The following HEATR5A variants were observed in gnomAD, a reference collection of about 807,000 sequenced individuals.
The protein encoded by HEATR5A is HEAT repeat-containing protein 5A.
In HEATR5A, 178 loss-of-function variants were observed where a neutral mutation model predicts 218.8. The ratio of observed to expected loss-of-function variants is 0.81; its 90% CI spans 0.72 to 0.92. The LOEUF (loss-of-function observed/expected upper bound fraction) is 0.92, where lower values mean the gene tolerates loss of function less well. HEATR5A is among the 40% of genes least tolerant of loss of function. HEATR5A has a pLI of 0.00. For synonymous variants in HEATR5A, 864 were observed against 871.6 expected (o/e 0.99, Z 0.15); for missense variants, 2,420 against 2,418.9 (o/e 1.00, Z -0.01).
intron 13 of HEATR5A, among the ~76,000 whole-genome samples, chr14:31,371,323 T>C (rs1373624050): frequency 1.3e-5 from 2 of 152,350 alleles, no homozygotes; most frequent in African/African-American, 2.4e-5. Context: ...ATTTTCTGTA[T>C]ATATAAAGTG....
intron 22 of HEATR5A, among the ~76,000 whole-genome samples, chr14:31,336,250 A>ATATATATATATG (rs1215493299): frequency 2.7e-4 from 24 of 89,760 alleles, no homozygotes; most frequent in Non-Finnish European, 3.3e-4. Flanking sequence ...ATATATATAT[A>ATATATATATATG]TATATATATA....
intron 16 of HEATR5A, 21 bp from the exon 17 acceptor site, chr14:31,350,738 A>T (rs970458871): frequency 1.5e-6 from 2 of 1,298,164 alleles, no homozygotes; most frequent in Non-Finnish European, 2.2e-6. Context: ...AAATAACAGG[A>T]TTTAAAAGCA....
chr14:31,350,767 TG>T, intron 16 of HEATR5A, 50 bp from the exon 17 acceptor site: 1 of 699,186 alleles, frequency 1.4e-6, no homozygotes, highest in Non-Finnish European at 2.4e-6. Context: ...AGTTTTTGTT[TG>T]TTTGTTTGTT....
chr14:31,331,157 C>G (rs942370296), intron 22 of HEATR5A, among the ~76,000 whole-genome samples: 1 of 152,022 alleles, frequency 6.6e-6, no homozygotes, highest in Non-Finnish European at 1.5e-5. Context: ...CCAGGCTGGT[C>G]TCAAACTCCT....
intron 23 of HEATR5A, among the ~76,000 whole-genome samples, 163 bp from the exon 24 acceptor site, chr14:31,323,967 T>C (rs545300589): frequency 6.6e-6 from 1 of 152,224 alleles, no homozygotes; most frequent in Admixed American, 6.5e-5. Flanking sequence ...TTAGGTCTAA[T>C]AACTACATAC....
At chr14:31,362,104 A>C (rs1197472342) in intron 14 of HEATR5A, among the ~76,000 whole-genome samples, 1 of 152,132 alleles carries the variant, frequency 6.6e-6, no homozygotes, top group African/African-American at 2.4e-5. Flanking sequence ...AGCTGGGACT[A>C]CAGGCATGTG....
chr14:31,293,874 T>G lies in HEATR5A; in HGVS notation c.5833+17A>C. 1 of 1,568,336 alleles carries G rather than the reference T, an allele frequency of 6.4e-7. No homozygotes were observed. The highest frequency in any genetic ancestry group is 8.7e-7 in the Non-Finnish European group (1 of 1,150,752). On this transcript the variant is annotated intron_variant, in intron 35 of 35. Coordinates refer to ENST00000543095, the MANE Select transcript of HEATR5A (RefSeq NM_015473.4). ...ATTTTTGTTGAGACTGAGTATGAAT[T>G]TAGTGCTGACACTTACGATGGTGTT... is the stretch of plus-strand genomic sequence containing the variant.
At chr14:31,342,761 AT>A (rs1900881004) in intron 21 of HEATR5A, among the ~76,000 whole-genome samples, 1 of 152,318 alleles carries the variant, frequency 6.6e-6, no homozygotes, top group Admixed American at 6.5e-5. Flanking sequence ...GTGTTACTTT[AT>A]TTAACTTTTC....
rs1201824776 is a variant in HEATR5A at position 31,400,493 on chromosome 14, T to C, written c.146A>G (p.Gln49Arg). ...CAGGAGCTGTTCAACAAGAGTCTTCTGTTTCTCCCTTACATCATTCTAGAA... is the reference window on the plus strand; with the variant it reads ...CAGGAGCTGTTCAACAAGAGTCTTCCGTTTCTCCCTTACATCATTCTAGAA... ...ATSRNDVREKQKTLVEQLLSL... is the reference protein window; with the variant it reads ...ATSRNDVREKRKTLVEQLLSL... Residue 49 changes from glutamine to arginine, a missense_variant, in exon 3 of 36, where the codon CAG (glutamine) becomes CGG (arginine). Gln to Arg is a conservative substitution (Grantham distance 43). Transcript: ENST00000543095. The C allele has an allele frequency of 2.6e-6, 4 of 1,534,808 alleles. No homozygotes were observed. The highest frequency in any genetic ancestry group is 3.5e-6 in the Non-Finnish European group (4 of 1,146,040).
At chr14:31,351,299 C>T (rs531847346) in intron 16 of HEATR5A, among the ~76,000 whole-genome samples, 17 of 152,110 alleles carry the variant, frequency 1.1e-4, no homozygotes, top group African/African-American at 4.1e-4. Flanking sequence ...TACGACCAGC[C>T]TGGGCAACAC....
intron 22 of HEATR5A, among the ~76,000 whole-genome samples, chr14:31,335,173 C>T (rs1595109200): frequency 1.3e-5 from 2 of 152,042 alleles, no homozygotes; most frequent in African/African-American, 4.8e-5. Context: ...CTATTTCACA[C>T]TTAGCAGACT....
chr14:31,380,199 A>G (rs939167775), intron 11 of HEATR5A, among the ~76,000 whole-genome samples: 1 of 152,202 alleles, frequency 6.6e-6, no homozygotes, highest in Non-Finnish European at 1.5e-5. Context: ...TTCAGAGTTA[A>G]GCCTGAAAGA....
intron 23 of HEATR5A, among the ~76,000 whole-genome samples, chr14:31,325,323 A>C (rs749075685): frequency 6.6e-6 from 1 of 152,172 alleles, no homozygotes; most frequent in Non-Finnish European, 1.5e-5. Context: ...TGTATTACTA[A>C]AGACATTAGG....
intron 14 of HEATR5A, among the ~76,000 whole-genome samples, chr14:31,363,346 T>C (rs1342950389): frequency 6.6e-6 from 1 of 152,170 alleles, no homozygotes; most frequent in Non-Finnish European, 1.5e-5. Flanking sequence ...ATCTGAGCTG[T>C]GGAATACAGA....
In HEATR5A at chr14:31,387,360, C is replaced by T. The variant is rs753301266; in HGVS notation, c.949G>A (p.Val317Ile). 2.9e-5 allele frequency: 47 copies of T among 1,612,678 alleles called. No homozygotes were observed. Among genetic ancestry groups the T allele is most frequent in the Non-Finnish European group, 3.7e-5 (44 of 1,178,970 alleles). ...AGCCAAGCTCCTCCTAGTGTTGAAACAAATACCACATAAGCCTAAAAAGGA... is the reference window on the plus strand; with the variant it reads ...AGCCAAGCTCCTCCTAGTGTTGAAATAAATACCACATAAGCCTAAAAAGGA... The part of the protein sequence containing the change: ...VGVTQAYVVF[V>I]STLGGAWLEK... The change falls in exon 8 of 36, where the codon GTT becomes ATT. Residue 317 changes from valine to isoleucine, a missense_variant. Transcript: ENST00000543095.
intron 13 of HEATR5A, among the ~76,000 whole-genome samples, chr14:31,368,695 CTATTTATTTATTTATT>C (rs71708210): frequency 0.024 from 3,193 of 130,646 alleles, 92 homozygotes; most frequent in African/African-American, 0.076. Flanking sequence ...ACATCTGACT[CTATTTATTTATTTATT>C]TATTTATTTA....
In HEATR5A at chr14:31,293,002, T is replaced by A. The variant is rs1196361902; in HGVS notation, c.*303A>T. 2.6e-5 allele frequency: 7 copies of A among 272,118 alleles called. No individual in the cohort carries two copies. The highest frequency in any genetic ancestry group is 8.9e-5 in the African/African-American group (4 of 44,930). 16.9% of individuals were successfully genotyped at this position (272,118 alleles called of 1,614,324 possible). A position where few individuals can be genotyped will look rare whatever the true frequency, so the allele number is the denominator to read the frequency against. ...CATATGTATGGACTGTTAGAAGAAA[T>A]TCATTTCATTTTTAAAGCAGTGGAT... is the stretch of plus-strand genomic sequence containing the variant. On this transcript the variant is annotated 3_prime_UTR_variant, in exon 36 of 36. Coordinates refer to ENST00000543095, the MANE Select transcript of HEATR5A (RefSeq NM_015473.4).
Position 31,293,306 on chromosome 14 carries a change from C to T in HEATR5A, c.6140G>A (p.Ter2047=). 4 of 1,571,180 alleles carry T rather than the reference C, an allele frequency of 2.5e-6. No homozygotes were observed. The highest frequency in any genetic ancestry group is 3.4e-6 in the Non-Finnish European group (4 of 1,164,816). The change falls in exon 36 of 36, where the codon TGA becomes TAA. Residue 2047 remains the stop codon, a stop_retained_variant. Transcript: ENST00000543095. ...SSIQLKTSFL[*] is the part of the protein sequence containing the mutation. ...GTGCTTACTATTCCAAAAAAAAAAT[C>T]AGAGGAAACTGGTCTTTAATTGGAT...
intron 11 of HEATR5A, among the ~76,000 whole-genome samples, chr14:31,379,408 G>A (rs763848214): frequency 2.0e-4 from 31 of 151,362 alleles, no homozygotes; most frequent in Non-Finnish European, 3.2e-4. Flanking sequence ...GCACCACCAT[G>A]CCCGGCTAAT....
Sources: allele counts gnomAD v4.1 joint callset (sites outside exome capture counted in the v4.1 genomes callset), GRCh38; gene constraint gnomAD v4.1.1; transcripts MANE v1.5; gene names NCBI Gene and HGNC (gene_info 2026-07-23, HGNC 2026-07-21).